Variants in BLTP3A observed in about 807,000 individuals in gnomAD.
BLTP3A encodes bridge-like lipid transfer protein family member 3A.
chr6:34,858,405 T>G, the BLTP3A span: 6 of 1,614,162 alleles, frequency 3.7e-6, no homozygotes, highest in Non-Finnish European at 5.1e-6. Context: ...ATACCCTCCC[T>G]CCCCAGAGAC....
the BLTP3A span, among the ~76,000 whole-genome samples, chr6:34,869,593 T>C: frequency 6.6e-6 from 1 of 151,874 alleles, no homozygotes; most frequent in African/African-American, 2.4e-5. Context: ...TTAGCTATAA[T>C]TTGTTCATTT....
chr6:34,820,696 A>G, the BLTP3A span, among the ~76,000 whole-genome samples: 3 of 147,698 alleles, frequency 2.0e-5, no homozygotes, highest in South Asian at 6.5e-4. Context: ...GTTTGTTTTT[A>G]TAATGGGTCT....
the BLTP3A span, chr6:34,836,249 C>T: frequency 6.2e-7 from 1 of 1,614,228 alleles, no homozygotes; most frequent in Non-Finnish European, 8.5e-7. Context: ...CCGCCTCAGC[C>T]AGTACTTTGA....
the BLTP3A span, chr6:34,859,472 T>A: frequency 6.2e-7 from 1 of 1,614,148 alleles, no homozygotes; most frequent in Non-Finnish European, 8.5e-7. Context: ...ACCATGGACC[T>A]CACCAAGGAA....
At chr6:34,838,318 C>T in the BLTP3A span, among the ~76,000 whole-genome samples, 1 of 152,014 alleles carries the variant, frequency 6.6e-6, no homozygotes. Context: ...GAGACTTGAC[C>T]CCAAAATGTC....
the BLTP3A span, among the ~76,000 whole-genome samples, chr6:34,832,156 G>C: frequency 7.0e-6 from 1 of 143,274 alleles, no homozygotes; most frequent in Non-Finnish European, 1.5e-5. Context: ...GTCTCACTCT[G>C]TCACTCAGGT....
At chr6:34,870,743 G>A in the BLTP3A span, 7 of 1,375,506 alleles carry the variant, frequency 5.1e-6, no homozygotes, top group African/African-American at 1.0e-4. Flanking sequence ...TCAGTCAGAT[G>A]AGAATGATGA....
chr6:34,814,534 C>T, the BLTP3A span, among the ~76,000 whole-genome samples: 1 of 152,200 alleles, frequency 6.6e-6, no homozygotes, highest in South Asian at 2.1e-4. Flanking sequence ...GACGTGCATG[C>T]ACCATCAGCA....
At chr6:34,837,006 A>C in the BLTP3A span, among the ~76,000 whole-genome samples, 1 of 152,234 alleles carries the variant, frequency 6.6e-6, no homozygotes, top group Non-Finnish European at 1.5e-5. Flanking sequence ...TGTCTCACTC[A>C]TTACCTCAAA....
chr6:34,863,983 TG>T, the BLTP3A span: 10,006 of 1,475,584 alleles, frequency 6.8e-3, 41 homozygotes, highest in African/African-American at 0.015. Flanking sequence ...TTGTGGTTTT[TG>T]TTTTTTTTTT....
chr6:34,858,100 TTG>T, the BLTP3A span: 3 of 1,603,464 alleles, frequency 1.9e-6, no homozygotes, highest in Non-Finnish European at 2.6e-6. Context: ...CCATTCTGAA[TTG>T]TGTTTCATTT....
chr6:34,811,625 G>A, the BLTP3A span, among the ~76,000 whole-genome samples: 2 of 151,482 alleles, frequency 1.3e-5, no homozygotes, highest in African/African-American at 4.9e-5. Context: ...TGAGGTGGGT[G>A]GATAACTTGA....
At chr6:34,827,052 C>A in the BLTP3A span, among the ~76,000 whole-genome samples, 1 of 152,166 alleles carries the variant, frequency 6.6e-6, no homozygotes, top group African/African-American at 2.4e-5. Context: ...GTGGCTCACA[C>A]CTGTAATCCC....
the BLTP3A span, among the ~76,000 whole-genome samples, chr6:34,800,685 T>TC: frequency 6.6e-6 from 1 of 152,174 alleles, no homozygotes; most frequent in Non-Finnish European, 1.5e-5. Flanking sequence ...TCAGTATCTA[T>TC]AGTAAAGCAG....
At chr6:34,805,767 A>C in the BLTP3A span, among the ~76,000 whole-genome samples, 1 of 150,370 alleles carries the variant, frequency 6.7e-6, no homozygotes. Context: ...AAAAGTATAA[A>C]GTGCTTAGAG....
At chr6:34,843,763 A>G in the BLTP3A span, among the ~76,000 whole-genome samples, 1 of 152,240 alleles carries the variant, frequency 6.6e-6, no homozygotes, top group Non-Finnish European at 1.5e-5. Context: ...AATATCCAGT[A>G]GTGGGATTGC....
At chr6:34,834,260 A>G in the BLTP3A span, 12 of 1,613,968 alleles carry the variant, frequency 7.4e-6, no homozygotes, top group African/African-American at 8.0e-5. Context: ...GATGTTCATC[A>G]TTGTCAATTC....
the BLTP3A span, among the ~76,000 whole-genome samples, chr6:34,826,661 C>T: frequency 1.1e-4 from 16 of 152,162 alleles, no homozygotes; most frequent in Admixed American, 9.8e-4. Flanking sequence ...CCTGGCTTTA[C>T]ATCGTACATT....
At chr6:34,865,369 A>T in the BLTP3A span, among the ~76,000 whole-genome samples, 1 of 152,348 alleles carries the variant, frequency 6.6e-6, no homozygotes, top group Non-Finnish European at 1.5e-5. Flanking sequence ...CACAAATGAC[A>T]GGATTTCCCT....
Sources: gnomAD v4.1 joint callset for allele counts (sites outside exome capture counted in the v4.1 genomes callset) on GRCh38, gnomAD v4.1.1 for gene constraint, MANE v1.5 for transcripts, NCBI Gene and HGNC (gene_info 2026-07-23, HGNC 2026-07-21) for gene names.